The following TMEM71 variants were observed in gnomAD, a reference collection of about 807,000 sequenced individuals.
The protein encoded by TMEM71 is transmembrane protein 71.
Under a neutral mutation model 38.0 loss-of-function variants are expected in TMEM71, and 44 were observed. The observed-to-expected ratio is 1.16, with a 90% CI of 0.91 to 1.49. The LOEUF is 1.49. Among genes scored for constraint, TMEM71 ranks in the 40% most tolerant of loss-of-function variants. TMEM71 has a pLI of 0.00. For missense variants in TMEM71, 367 were observed against 348.6 expected (o/e 1.05, Z -0.42); for synonymous variants, 133 against 122.5 (o/e 1.09, Z -0.56).
chr8:132,719,220 A>G (rs959536311), intron 7 of TMEM71, among the ~76,000 whole-genome samples: 1 of 152,218 alleles, frequency 6.6e-6, no homozygotes, highest in African/African-American at 2.4e-5. Context: ...TCTTACATCT[A>G]TAATAATTGA....
intron 3 of TMEM71, among the ~76,000 whole-genome samples, chr8:132,754,934 A>G (rs1828920665): frequency 6.6e-6 from 1 of 152,236 alleles, no homozygotes; most frequent in Non-Finnish European, 1.5e-5. Context: ...CTATTAATAA[A>G]TATGAAAATG....
chr8:132,742,332 G>A (rs952238608), intron 5 of TMEM71, among the ~76,000 whole-genome samples: 3 of 152,068 alleles, frequency 2.0e-5, no homozygotes, highest in African/African-American at 4.8e-5. Flanking sequence ...CCAAGATCGC[G>A]CCACTGCACT....
intron 5 of TMEM71, among the ~76,000 whole-genome samples, chr8:132,737,335 T>C (rs1159538994): frequency 6.6e-6 from 1 of 152,232 alleles, no homozygotes; most frequent in Admixed American, 6.5e-5. Flanking sequence ...GTCAGAGAGA[T>C]AACTTCTCCT....
rs1011932586 is a variant in TMEM71 at position 132,722,654 on chromosome 8, A to G, written c.677-539T>C. 2.0e-5 allele frequency among the ~76,000 whole-genome samples: 3 copies of G among 152,206 alleles called. No homozygotes were observed. In the South Asian group the frequency reaches 6.2e-4, roughly 31 times the overall value. ...GAGGTGTCACAGCCAAGATTTAAAAACCACATCTAGACAGAACATAACATT... is the reference window on the plus strand; with the variant it reads ...GAGGTGTCACAGCCAAGATTTAAAAGCCACATCTAGACAGAACATAACATT... On this transcript the variant is annotated intron_variant, in intron 6 of 9. Coordinates refer to ENST00000677595, the MANE Select transcript of TMEM71 (RefSeq NM_001382403.1).
At chr8:132,707,972 G>C (rs1457897227), downstream of TMEM71, among the ~76,000 whole-genome samples, 1 of 152,002 alleles carries the variant, frequency 6.6e-6, no homozygotes, top group Non-Finnish European at 1.5e-5. Flanking sequence ...CACATGGTTG[G>C]ACTAAATATA....
downstream of TMEM71, among the ~76,000 whole-genome samples, chr8:132,708,257 C>T (rs1826123420): frequency 6.6e-6 from 1 of 152,180 alleles, no homozygotes; most frequent in Non-Finnish European, 1.5e-5. Flanking sequence ...GCAGCACACA[C>T]ATCACTAGTC....
intron 2 of TMEM71, among the ~76,000 whole-genome samples, chr8:132,757,592 G>A (rs1354018869): frequency 6.6e-6 from 1 of 152,046 alleles, no homozygotes; most frequent in East Asian, 1.9e-4. Flanking sequence ...TTGGGAGACC[G>A]AGGCGGGCGG....
At chr8:132,720,976 G>T (rs551905172) in intron 7 of TMEM71, among the ~76,000 whole-genome samples, 2 of 152,334 alleles carry the variant, frequency 1.3e-5, no homozygotes, top group Non-Finnish European at 1.5e-5. Flanking sequence ...CATGTCACAG[G>T]TCAGGGGGTA....
At chr8:132,733,162 GT>G (rs1266336142) in intron 5 of TMEM71, among the ~76,000 whole-genome samples, 1 of 152,096 alleles carries the variant, frequency 6.6e-6, no homozygotes, top group African/African-American at 2.4e-5. Flanking sequence ...CTGTGTGTGT[GT>G]TTTTTTGTTG....
At chr8:132,748,124 G>T (rs1381260487) in intron 4 of TMEM71, among the ~76,000 whole-genome samples, 1 of 152,218 alleles carries the variant, frequency 6.6e-6, no homozygotes, top group Non-Finnish European at 1.5e-5. Context: ...GGTTGAGTGG[G>T]ACAGCTTTCC....
At chr8:132,726,020 G>T (rs10112827) in intron 6 of TMEM71, among the ~76,000 whole-genome samples, 4,100 of 152,274 alleles carry the variant, frequency 0.027, 188 homozygotes, top group African/African-American at 0.093. Flanking sequence ...TCATCTCTGT[G>T]CCTATGTGGG....
intron 3 of TMEM71, among the ~76,000 whole-genome samples, chr8:132,754,738 T>C (rs981294188): frequency 6.6e-6 from 1 of 152,316 alleles, no homozygotes; most frequent in Admixed American, 6.5e-5. Context: ...TACACAAAAC[T>C]TTTAATACAT....
At chr8:132,758,246 A>G (rs1202333802) in intron 2 of TMEM71, 1 of 152,234 alleles carries the variant, frequency 6.6e-6, no homozygotes. Flanking sequence ...AATATTCTAA[A>G]CTCTAAAGCA....
chr8:132,748,148 G>A (rs1467401369), intron 4 of TMEM71, among the ~76,000 whole-genome samples: 1 of 152,214 alleles, frequency 6.6e-6, no homozygotes, highest in African/African-American at 2.4e-5. Flanking sequence ...CACAGGCAAG[G>A]TGGGCATGGA....
At chr8:132,709,116 T>C (rs1287614600), downstream of TMEM71, among the ~76,000 whole-genome samples, 6 of 152,318 alleles carry the variant, frequency 3.9e-5, no homozygotes, top group East Asian at 1.2e-3. Flanking sequence ...AAAAACATTA[T>C]CATTTAAATC....
intron 7 of TMEM71, among the ~76,000 whole-genome samples, chr8:132,717,822 GT>G (rs1157528336): frequency 1.3e-5 from 2 of 152,134 alleles, no homozygotes; most frequent in Non-Finnish European, 2.9e-5. Context: ...ATTCATAATG[GT>G]CAAATGGGGA....
chr8:132,756,779 G>A (rs1446285861), intron 3 of TMEM71, among the ~76,000 whole-genome samples: 2 of 151,860 alleles, frequency 1.3e-5, no homozygotes, highest in South Asian at 4.2e-4. Flanking sequence ...TAGAGACAAG[G>A]TTTCACCATG....
chr8:132,715,808 T>C (rs1180314066), intron 7 of TMEM71, among the ~76,000 whole-genome samples: 2 of 152,224 alleles, frequency 1.3e-5, no homozygotes, highest in African/African-American at 2.4e-5. Context: ...GGTTAGTATA[T>C]TTTCTTAGAG....
Position 132,746,487 on chromosome 8 carries a change from A to ATG in TMEM71, c.487+454_487+455insCA, listed in dbSNP as rs1491432209. On this transcript the variant is annotated intron_variant, in intron 5 of 9. Coordinates refer to ENST00000677595, the MANE Select transcript of TMEM71 (RefSeq NM_001382403.1). The stretch of plus-strand genomic sequence containing the variant: ...TACATATATATATACATATATATAT[A>ATG]CATATATATACATATATATGTATAT... Among the ~76,000 whole-genome samples the ATG allele has an allele frequency of 4.4e-3, 73 of 16,558 alleles. 1 individual carries two copies. Among genetic ancestry groups the ATG allele is most frequent in the Non-Finnish European group, 8.0e-3 (65 of 8,152 alleles). 10.9% of individuals were successfully genotyped at this position (16,558 alleles called of 152,430 possible).
Sources: allele counts gnomAD v4.1 joint callset (sites outside exome capture counted in the v4.1 genomes callset), GRCh38; gene constraint gnomAD v4.1.1; transcripts MANE v1.5; gene names NCBI Gene and HGNC (gene_info 2026-07-23, HGNC 2026-07-21).